DLGAP4: variants seen among roughly 807,000 people sequenced by gnomAD.
DLGAP4 encodes disks large-associated protein 4.
In DLGAP4, 18 loss-of-function variants were observed where a neutral mutation model predicts 86.9. That is an observed-to-expected ratio of 0.21 (90% CI 0.14 to 0.31). The LOEUF (loss-of-function observed/expected upper bound fraction) is 0.31. DLGAP4 is among the 10% of genes least tolerant of loss of function. The pLI, the probability that DLGAP4 is intolerant of heterozygous loss-of-function variation, is 1.00. For missense variants in DLGAP4, 1,085 were observed against 1,362.6 expected, an observed-to-expected ratio of 0.80 and a Z score of 3.21; for synonymous variants, 548 against 574.3, an observed-to-expected ratio of 0.95 and a Z score of 0.65.
intron 2 of DLGAP4, among the ~76,000 whole-genome samples, chr20:36,408,123 G>A (rs1406183920): frequency 6.6e-6 from 1 of 151,958 alleles, no homozygotes; most frequent in African/African-American, 2.4e-5. Context: ...AGACTTAGGG[G>A]CCAAGCCAGG....
intron 1 of DLGAP4, among the ~76,000 whole-genome samples, chr20:36,311,398 G>A (rs1009034346): frequency 7.2e-5 from 11 of 152,250 alleles, no homozygotes; most frequent in South Asian, 4.1e-4. Flanking sequence ...CCTCCCTACC[G>A]AGCTGTCTGA....
chr20:36,504,441 A>G (rs2036276314), intron 10 of DLGAP4, among the ~76,000 whole-genome samples: 1 of 152,024 alleles, frequency 6.6e-6, no homozygotes, highest in African/African-American at 2.4e-5. Flanking sequence ...GGTTGTTTCC[A>G]CCTTTTGGCT....
At chr20:36,369,391 G>A (rs1419647649) in intron 2 of DLGAP4, among the ~76,000 whole-genome samples, 1 of 152,078 alleles carries the variant, frequency 6.6e-6, no homozygotes, top group African/African-American at 2.4e-5. Flanking sequence ...TCAGGAGTTC[G>A]AGACCACCCT....
intron 7 of DLGAP4, among the ~76,000 whole-genome samples, chr20:36,491,709 G>T (rs2035670642): frequency 6.6e-6 from 1 of 152,176 alleles, no homozygotes. Flanking sequence ...AAGCAAAAAG[G>T]GCTCAGGTTT....
intron 7 of DLGAP4, among the ~76,000 whole-genome samples, chr20:36,469,056 T>G (rs552130743): frequency 6.6e-6 from 1 of 152,334 alleles, no homozygotes; most frequent in East Asian, 1.9e-4. Flanking sequence ...CTTTGGAAAG[T>G]ATTACTATTC....
At chr20:36,436,012 G>A in intron 3 of DLGAP4, 97 bp from the exon 4 acceptor site, 2 of 1,421,130 alleles carry the variant, frequency 1.4e-6, no homozygotes, top group South Asian at 1.6e-5. Flanking sequence ...CCCGAATTCT[G>A]CAGGGAACGA....
chr20:36,439,899 G>C (rs779624775), intron 5 of DLGAP4, 31 bp downstream of exon 5: 2 of 1,585,014 alleles, frequency 1.3e-6, no homozygotes, highest in Admixed American at 3.4e-5. Flanking sequence ...GGAGAGTCAG[G>C]GGGCTTGGGT....
At chr20:36,496,322 T>C (rs1232549243) in intron 7 of DLGAP4, among the ~76,000 whole-genome samples, 2 of 152,162 alleles carry the variant, frequency 1.3e-5, no homozygotes, top group Non-Finnish European at 2.9e-5. Context: ...CTTAGCTGTT[T>C]TGGCATCTGC....
At chr20:36,468,460 G>A (rs2034515884) in intron 7 of DLGAP4, among the ~76,000 whole-genome samples, 1 of 152,272 alleles carries the variant, frequency 6.6e-6, no homozygotes, top group East Asian at 1.9e-4. Flanking sequence ...GGCTACCATG[G>A]GAGGCAGCAG....
intron 12 of DLGAP4, chr20:36,526,278 G>T (rs1032224937): frequency 3.3e-6 from 2 of 605,992 alleles, no homozygotes; most frequent in Non-Finnish European, 5.8e-6. Flanking sequence ...CCTCAATCAC[G>T]TTATAACAGA....
chr20:36,310,511 A>AG (rs1318182963), intron 1 of DLGAP4, among the ~76,000 whole-genome samples: 2 of 152,166 alleles, frequency 1.3e-5, no homozygotes, highest in East Asian at 3.8e-4. Context: ...ATGATCTCTG[A>AG]GGGACCTTCT....
chr20:36,387,813 T>A (rs1005908663), intron 2 of DLGAP4, among the ~76,000 whole-genome samples: 2 of 152,246 alleles, frequency 1.3e-5, no homozygotes, highest in African/African-American at 4.8e-5. Context: ...CCCATGTATT[T>A]ATGGATCTGT....
chr20:36,341,587 G>A (rs1198705048), intron 1 of DLGAP4, among the ~76,000 whole-genome samples: 1 of 152,274 alleles, frequency 6.6e-6, no homozygotes, highest in Non-Finnish European at 1.5e-5. Context: ...AGAACGACGT[G>A]CAGGGGGCCA....
chr20:36,396,202 C>T (rs980160759), intron 2 of DLGAP4, among the ~76,000 whole-genome samples: 2 of 151,866 alleles, frequency 1.3e-5, no homozygotes, highest in Non-Finnish European at 2.9e-5. Flanking sequence ...CCAGCATCTG[C>T]CCCTCAGCAC....
chr20:36,411,083 T>C (rs1486824455), intron 2 of DLGAP4, among the ~76,000 whole-genome samples: 1 of 152,174 alleles, frequency 6.6e-6, no homozygotes, highest in Non-Finnish European at 1.5e-5. Flanking sequence ...CTCCGCCTCC[T>C]GGGTTCAAGC....
At chr20:36,422,489 T>C (rs765027552) in intron 2 of DLGAP4, among the ~76,000 whole-genome samples, 1 of 152,126 alleles carries the variant, frequency 6.6e-6, no homozygotes, top group Non-Finnish European at 1.5e-5. Flanking sequence ...AGGTTTATGG[T>C]TAGATCAGTG....
At chr20:36,471,040 C>T (rs540478333) in intron 7 of DLGAP4, among the ~76,000 whole-genome samples, 39 of 152,140 alleles carry the variant, frequency 2.6e-4, no homozygotes, top group Non-Finnish European at 4.9e-4. Context: ...AAAATTTTGT[C>T]ATGTATTTTT....
At chr20:36,378,289 A>G (rs1439182065) in intron 2 of DLGAP4, among the ~76,000 whole-genome samples, 1 of 152,188 alleles carries the variant, frequency 6.6e-6, no homozygotes, top group African/African-American at 2.4e-5. Flanking sequence ...TGGGGATAAT[A>G]GGAGGATCTG....
chr20:36,461,543 G>GCCA (rs1199713462), intron 7 of DLGAP4: 2 of 975,830 alleles, frequency 2.0e-6, no homozygotes, highest in Non-Finnish European at 2.4e-6. Context: ...CGCCGCCGCC[G>GCCA]CCAGTCCGTC....
Sources: gnomAD v4.1 joint callset for allele counts (sites outside exome capture counted in the v4.1 genomes callset) on GRCh38, gnomAD v4.1.1 for gene constraint, MANE v1.5 for transcripts, NCBI Gene and HGNC (gene_info 2026-07-23, HGNC 2026-07-21) for gene names.